The following LOC728743 variants were observed in gnomAD, a reference collection of about 807,000 sequenced individuals.
the LOC728743 span, among the ~76,000 whole-genome samples, chr7:150,406,438 TG>T: frequency 2.0e-5 from 3 of 151,754 alleles, no homozygotes; most frequent in Non-Finnish European, 2.9e-5. Flanking sequence ...ATGGTGGCAG[TG>T]GGGGGTGTGT....
chr7:150,407,803 C>G, the LOC728743 span: 1 of 405,590 alleles, frequency 2.5e-6, no homozygotes, highest in Non-Finnish European at 4.4e-6. Flanking sequence ...GAGCGGGCCG[C>G]GCGGCTGCCT....
At chr7:150,410,448 C>G in the LOC728743 span, 1 of 368,048 alleles carries the variant, frequency 2.7e-6, no homozygotes, top group African/African-American at 2.1e-5. Flanking sequence ...GGCCCCCACT[C>G]TCTGCCACTG....
the LOC728743 span, chr7:150,404,389 T>C: frequency 3.3e-5 from 5 of 152,300 alleles, no homozygotes; most frequent in South Asian, 2.1e-4. Context: ...GCCACGGTGC[T>C]GGGTCACGGT....
At chr7:150,401,620 A>C in the LOC728743 span, among the ~76,000 whole-genome samples, 1 of 152,206 alleles carries the variant, frequency 6.6e-6, no homozygotes, top group Admixed American at 6.5e-5. Context: ...GGACTCCCTT[A>C]AGTTATCCCT....
At chr7:150,411,890 CCT>C in the LOC728743 span, 1 of 153,008 alleles carries the variant, frequency 6.5e-6, no homozygotes, top group Non-Finnish European at 1.5e-5. Context: ...TGTCCCCTTT[CCT>C]CTCCTCTACC....
the LOC728743 span, chr7:150,407,568 G>A: frequency 2.8e-5 from 11 of 397,628 alleles, no homozygotes; most frequent in African/African-American, 1.8e-4. Context: ...CCCCGCCCCC[G>A]CTTCTGTCTC....
At chr7:150,408,166 G>C in the LOC728743 span, 2 of 392,060 alleles carry the variant, frequency 5.1e-6, no homozygotes, top group Non-Finnish European at 4.5e-6. Flanking sequence ...AGACCCATCA[G>C]CGCAGCCACG....
At chr7:150,408,780 C>T in the LOC728743 span, among the ~76,000 whole-genome samples, 1 of 152,228 alleles carries the variant, frequency 6.6e-6, no homozygotes, top group African/African-American at 2.4e-5. Context: ...TCAGTTTACT[C>T]ATCTGTAAGT....
chr7:150,402,235 T>C, the LOC728743 span, among the ~76,000 whole-genome samples: 1 of 152,234 alleles, frequency 6.6e-6, no homozygotes, highest in Admixed American at 6.5e-5. Flanking sequence ...GCTGCAAGTT[T>C]AAGGGTTTGA....
At chr7:150,401,992 A>C in the LOC728743 span, among the ~76,000 whole-genome samples, 1 of 152,138 alleles carries the variant, frequency 6.6e-6, no homozygotes, top group Non-Finnish European at 1.5e-5. Context: ...CTGGGGTTCA[A>C]TTCTGGCTTT....
chr7:150,403,103 G>A, the LOC728743 span, among the ~76,000 whole-genome samples: 1 of 152,178 alleles, frequency 6.6e-6, no homozygotes, highest in Non-Finnish European at 1.5e-5. The surrounding 1 kb of genome is among the most constrained non-coding windows in gnomAD (Gnocchi z 5.1). Context: ...GCATGAAGCA[G>A]GGCTGTGTTT....
At chr7:150,403,894 C>T in the LOC728743 span, among the ~76,000 whole-genome samples, 1 of 152,210 alleles carries the variant, frequency 6.6e-6, no homozygotes, top group Non-Finnish European at 1.5e-5. The surrounding 1 kb of genome is among the most constrained non-coding windows in gnomAD (Gnocchi z 5.1). Flanking sequence ...TGAAAGCAGG[C>T]AGGCCTGACC....
the LOC728743 span, chr7:150,407,460 CG>C: frequency 2.5e-6 from 1 of 397,316 alleles, no homozygotes; most frequent in Non-Finnish European, 4.4e-6. Flanking sequence ...TTGAACAAAA[CG>C]GGGCGAAAGG....
chr7:150,402,989 TG>T, the LOC728743 span, among the ~76,000 whole-genome samples: 1 of 152,164 alleles, frequency 6.6e-6, no homozygotes, highest in Non-Finnish European at 1.5e-5. Context: ...GCCTTGGTTG[TG>T]GGCAGTCCAG....
the LOC728743 span, among the ~76,000 whole-genome samples, chr7:150,401,873 C>G: frequency 1.3e-5 from 2 of 152,148 alleles, no homozygotes; most frequent in African/African-American, 4.8e-5. Flanking sequence ...GGCATAACAG[C>G]CCCAGGGATG....
At chr7:150,411,446 G>A in the LOC728743 span, 104,740 of 152,478 alleles carry the variant, frequency 0.69, 36,443 homozygotes, top group Non-Finnish European at 0.75. Context: ...AGGCAGCAGG[G>A]CAAGGACTCC....
At chr7:150,409,774 C>T in the LOC728743 span, among the ~76,000 whole-genome samples, 1 of 152,064 alleles carries the variant, frequency 6.6e-6, no homozygotes, top group Non-Finnish European at 1.5e-5. Context: ...CACATTCAGT[C>T]CTGTGCTGGG....
chr7:150,410,712 C>T, the LOC728743 span: 1 of 152,372 alleles, frequency 6.6e-6, no homozygotes, highest in East Asian at 1.9e-4. Context: ...TACGGACCTT[C>T]CCTAGGAAAA....
the LOC728743 span, chr7:150,400,850 A>G: frequency 6.6e-6 from 1 of 152,374 alleles, no homozygotes; most frequent in South Asian, 2.1e-4. Flanking sequence ...TTGTTATCCT[A>G]GTGGGTTACA....
Sources: allele counts gnomAD v4.1 joint callset (sites outside exome capture counted in the v4.1 genomes callset), GRCh38; gene constraint gnomAD v4.1.1; non-coding constraint Gnocchi (gnomAD v3.1); transcripts MANE v1.5.